The following POTEC variants were observed in gnomAD, a reference collection of about 807,000 sequenced individuals.
POTEC encodes the protein ANKRD26-like family B member 2.
A neutral mutation model predicts 62.0 loss-of-function variants in POTEC; 35 were observed. That is an observed-to-expected ratio of 0.56 (90% CI 0.43 to 0.75). POTEC has a LOEUF of 0.75. POTEC is among the 30% of genes least tolerant of loss of function. The probability of loss-of-function intolerance (pLI) is 0.00; values close to 1 mark genes in which losing one functional copy is unlikely to be tolerated. For synonymous variants in POTEC, 156 were observed against 221.5 expected, an observed-to-expected ratio of 0.70 and a Z score of 2.62; for missense variants, 472 against 655.9, an observed-to-expected ratio of 0.72 and a Z score of 3.06.
chr18:14,516,702 T>C (rs1341652594), intron 9 of POTEC, among the ~76,000 whole-genome samples: 1 of 150,570 alleles, frequency 6.6e-6, no homozygotes, highest in Non-Finnish European at 1.5e-5. Context: ...TATCAAAATG[T>C]CATTATTTAT....
At chr18:14,520,905 G>A (rs1910289681) in intron 9 of POTEC, among the ~76,000 whole-genome samples, 1 of 152,104 alleles carries the variant, frequency 6.6e-6, no homozygotes. Context: ...AGCCCAGAAA[G>A]TCAAGGCTGC....
In POTEC at chr18:14,538,238, T is replaced by C. The variant is rs1463087878; in HGVS notation, c.533A>G (p.His178Arg). ...KRDKQKRTAL[H>R]LASANGNSEV... ...TGAATTTCCATTGGCAGAGGCCAAATGTAGAGCAGTCCTATGAGAGTGAGA... is the reference window on the plus strand; with the variant it reads ...TGAATTTCCATTGGCAGAGGCCAAACGTAGAGCAGTCCTATGAGAGTGAGA... Residue 178 changes from histidine to arginine, a missense_variant, in exon 2 of 11, where the codon CAT (histidine) becomes CGT (arginine). His to Arg is a conservative substitution (Grantham distance 29). This residue lies in a region of POTEC where 257 missense variants were observed against 250.7 expected (regional missense o/e 1.03). Coordinates refer to ENST00000358970, the MANE Select transcript of POTEC (RefSeq NM_001137671.2). The C allele has an allele frequency of 6.8e-6, 11 of 1,608,538 alleles. No homozygotes were observed. The East Asian group carries it at 1.1e-4, about 16-fold the overall frequency.
chr18:14,516,259 G>A (rs1235537293), intron 9 of POTEC, among the ~76,000 whole-genome samples: 2 of 123,004 alleles, frequency 1.6e-5, no homozygotes, highest in Non-Finnish European at 3.3e-5. Flanking sequence ...TATGTTATCA[G>A]CCAGTGTCCA....
chr18:14,519,435 G>T (rs1170348582), intron 9 of POTEC, among the ~76,000 whole-genome samples: 3 of 152,076 alleles, frequency 2.0e-5, no homozygotes, highest in Non-Finnish European at 4.4e-5. Context: ...AGTCATGAGG[G>T]GCCGGGTGCA....
Position 14,509,499 on chromosome 18 carries a change from C to A in POTEC, c.*2399G>T, listed in dbSNP as rs1411423790. The A allele has an allele frequency of 6.6e-6, 1 of 151,904 alleles. No individual in the cohort carries two copies. The highest frequency in any genetic ancestry group is 6.6e-5 in the Admixed American group (1 of 15,250). The allele number at this position is 151,904 out of a possible 1,614,324, so 9.4% of individuals were successfully genotyped here. A position where few individuals can be genotyped will look rare whatever the true frequency, so the allele number is the denominator to read the frequency against. On this transcript the variant is annotated 3_prime_UTR_variant, in exon 11 of 11. Coordinates refer to ENST00000358970, the MANE Select transcript of POTEC (RefSeq NM_001137671.2). ...TGCTGTTAGGGCAAGTACAACAAAACCCACCTGTGTAAACACACACAGCAA... is the reference window on the plus strand; with the variant it reads ...TGCTGTTAGGGCAAGTACAACAAAAACCACCTGTGTAAACACACACAGCAA...
chr18:14,529,412 A>G (rs1905425927), intron 6 of POTEC, among the ~76,000 whole-genome samples: 1 of 150,436 alleles, frequency 6.6e-6, no homozygotes, highest in African/African-American at 2.5e-5. Flanking sequence ...CAGCTCTACT[A>G]TGAGCACCTT....
chr18:14,535,991 G>A (rs1350456529), intron 3 of POTEC, among the ~76,000 whole-genome samples: 1 of 151,872 alleles, frequency 6.6e-6, no homozygotes, highest in Non-Finnish European at 1.5e-5. Flanking sequence ...GACTAGGCCA[G>A]GAATGGTGGC....
intron 9 of POTEC, among the ~76,000 whole-genome samples, chr18:14,514,008 G>T (rs1424632630): frequency 1.1e-4 from 16 of 151,662 alleles, no homozygotes; most frequent in South Asian, 2.1e-4. Flanking sequence ...GGTGGGGGAT[G>T]GTTCCAGGAT....
At chr18:14,535,677 T>C (rs1320045150) in intron 3 of POTEC, among the ~76,000 whole-genome samples, 4 of 152,102 alleles carry the variant, frequency 2.6e-5, no homozygotes, top group Admixed American at 2.6e-4. Context: ...TCTACAAACT[T>C]AAGAGACATA....
rs1280054773 is a variant in POTEC, at chr18:14,508,659, C to A, written c.*3239G>T. The A allele has an allele frequency of 6.5e-6, 1 of 152,694 alleles. No individual in the cohort carries two copies. The highest frequency in any genetic ancestry group is 1.9e-4 in the East Asian group (1 of 5,178). The allele number at this position is 152,694 out of a possible 1,614,324, so 9.5% of individuals were successfully genotyped here. A position where few individuals can be genotyped will look rare whatever the true frequency, so the allele number is the denominator to read the frequency against. ...TTTTTAGCTTCCTTGTATTGGATTA[C>A]AACATACTTCTTTCACTCAATGAAC... On this transcript the variant is annotated 3_prime_UTR_variant, in exon 11 of 11. Coordinates refer to ENST00000358970, the MANE Select transcript of POTEC (RefSeq NM_001137671.2).
At chr18:14,527,562 C>T (rs889453256) in intron 6 of POTEC, among the ~76,000 whole-genome samples, 1 of 151,714 alleles carries the variant, frequency 6.6e-6, no homozygotes, top group South Asian at 2.1e-4. Context: ...AACGTGGAAA[C>T]CTGTAAATTA....
At chr18:14,521,686 A>G (rs931482387) in intron 9 of POTEC, among the ~76,000 whole-genome samples, 1 of 152,148 alleles carries the variant, frequency 6.6e-6, no homozygotes, top group African/African-American at 2.4e-5. Flanking sequence ...TTTCAATGAG[A>G]CCATTTCCTT....
intron 5 of POTEC, among the ~76,000 whole-genome samples, chr18:14,531,972 T>C (rs1905538750): frequency 1.3e-5 from 2 of 151,092 alleles, no homozygotes; most frequent in African/African-American, 2.4e-5. Flanking sequence ...TGATTTTCAT[T>C]ATCATGTAAA....
chr18:14,511,358 T>G lies in POTEC; in HGVS notation c.*540A>C, dbSNP rs1382509075. The G allele has an allele frequency of 3.6e-5, 10 of 275,520 alleles. No individual in the cohort carries two copies. The South Asian group carries it at 3.7e-4, about 10-fold the overall frequency. 17.1% of individuals were successfully genotyped at this position (275,520 alleles called of 1,614,324 possible). A position where few individuals can be genotyped will look rare whatever the true frequency, so the allele number is the denominator to read the frequency against. On this transcript the variant is annotated 3_prime_UTR_variant, in exon 11 of 11. Coordinates refer to ENST00000358970, the MANE Select transcript of POTEC (RefSeq NM_001137671.2). ...GGATCTCTTCTGCCCCTGGTGGGTTTGTACTCTCCAAAGCCCGCACGCTGG... is the reference window on the plus strand; with the variant it reads ...GGATCTCTTCTGCCCCTGGTGGGTTGGTACTCTCCAAAGCCCGCACGCTGG...
chr18:14,513,916 C>A (rs1320030895), intron 9 of POTEC, 131 bp from the exon 10 acceptor site: 2 of 1,524,790 alleles, frequency 1.3e-6, no homozygotes, highest in African/African-American at 2.8e-5. Flanking sequence ...ACAAAGGGGT[C>A]TCACATCTGT....
chr18:14,541,473 G>T (rs117739069), intron 1 of POTEC, among the ~76,000 whole-genome samples: 4 of 152,032 alleles, frequency 2.6e-5, no homozygotes, highest in Non-Finnish European at 5.9e-5. Flanking sequence ...GTGAAATCCC[G>T]TCTTAAGAAC....
In POTEC at chr18:14,511,857, A is replaced by C. The variant is rs781193286; in HGVS notation, c.*41T>G. Reference sequence around the variant, plus strand: ...CTTTCACACTTTCAATTTCCTCCAAAATTTTATTTTCCCTTAGCTGGTTCT... The same window carrying C: ...CTTTCACACTTTCAATTTCCTCCAACATTTTATTTTCCCTTAGCTGGTTCT... On this transcript the variant is annotated 3_prime_UTR_variant, in exon 11 of 11. Coordinates refer to ENST00000358970, the MANE Select transcript of POTEC (RefSeq NM_001137671.2). The C allele has an allele frequency of 2.2e-4, 356 of 1,592,376 alleles. No homozygotes were observed. Among genetic ancestry groups the C allele is most frequent in the Non-Finnish European group, 3.0e-4 (348 of 1,161,830 alleles).
At chr18:14,516,076 A>G (rs1910142609) in intron 9 of POTEC, among the ~76,000 whole-genome samples, 1 of 150,520 alleles carries the variant, frequency 6.6e-6, no homozygotes, top group African/African-American at 2.4e-5. Flanking sequence ...TGGTGGGGAT[A>G]CAAATTAGTA....
intron 6 of POTEC, among the ~76,000 whole-genome samples, chr18:14,525,221 C>T (rs1004658160): frequency 2.0e-5 from 3 of 151,906 alleles, no homozygotes; most frequent in African/African-American, 7.3e-5. Context: ...AACAAAACCA[C>T]CAGAAACACA....
Sources: gnomAD v4.1 joint callset for allele counts (sites outside exome capture counted in the v4.1 genomes callset) on GRCh38, gnomAD v4.1.1 for gene constraint, gnomAD v4.1.1 regional missense constraint, MANE v1.5 for transcripts, NCBI Gene and HGNC (gene_info 2026-07-23, HGNC 2026-07-21) for gene names.